DUSP10: variants seen among roughly 807,000 people sequenced by gnomAD.
The protein encoded by DUSP10 is dual specificity protein phosphatase 10.
DUSP10 carries 14 observed loss-of-function variants against 30.8 expected under a neutral mutation model. The ratio of observed to expected loss-of-function variants is 0.46; its 90% CI spans 0.30 to 0.71. DUSP10 has a LOEUF of 0.71. Among genes scored for constraint, DUSP10 ranks in the 30% least tolerant of loss-of-function variants. The pLI, the probability that DUSP10 is intolerant of heterozygous loss-of-function variation, is 0.08. For missense variants in DUSP10, 550 were observed against 619.4 expected (o/e 0.89, Z 1.19); for synonymous variants, 254 against 250.4 (o/e 1.01, Z -0.14).
At chr1:221,729,357 A>G (rs1217294148) in intron 2 of DUSP10, among the ~76,000 whole-genome samples, 1 of 152,208 alleles carries the variant, frequency 6.6e-6, no homozygotes, top group Non-Finnish European at 1.5e-5. Context: ...CATTATAACT[A>G]AGGCACCACA....
At chr1:221,704,279 C>T (rs924890138) in intron 3 of DUSP10, among the ~76,000 whole-genome samples, 1 of 147,748 alleles carries the variant, frequency 6.8e-6, no homozygotes, top group Non-Finnish European at 1.5e-5. Flanking sequence ...AGTTGTTCTT[C>T]GGGCTGAATG....
intron 2 of DUSP10, among the ~76,000 whole-genome samples, chr1:221,720,135 T>C (rs887256206): frequency 4.6e-5 from 7 of 152,210 alleles, no homozygotes; most frequent in African/African-American, 1.4e-4. Flanking sequence ...CTGGTTCCTG[T>C]AGCATAGCTT....
At chr1:221,713,366 A>G (rs1408368549) in intron 2 of DUSP10, among the ~76,000 whole-genome samples, 1 of 152,134 alleles carries the variant, frequency 6.6e-6, no homozygotes, top group East Asian at 1.9e-4. Context: ...AAACCTCATT[A>G]TATTTAGTTC....
intron 2 of DUSP10, among the ~76,000 whole-genome samples, chr1:221,732,846 G>A (rs555717956): frequency 6.6e-6 from 1 of 152,278 alleles, no homozygotes; most frequent in Admixed American, 6.5e-5. Context: ...GGCATCATAG[G>A]TTATAAATCA....
At chr1:221,739,823 G>T (rs1394420393) in intron 1 of DUSP10, 36 bp from the exon 2 acceptor site, 2 of 1,486,304 alleles carry the variant, frequency 1.3e-6, no homozygotes, top group African/African-American at 2.8e-5. Context: ...AAAGAATAAA[G>T]TCACGTGACA....
At chr1:221,723,822 G>A (rs1247918991) in intron 2 of DUSP10, among the ~76,000 whole-genome samples, 1 of 152,172 alleles carries the variant, frequency 6.6e-6, no homozygotes, top group African/African-American at 2.4e-5. Context: ...CTGAGCTTTG[G>A]TGTCCAGAGT....
chr1:221,741,129 C>T (rs1415145459), intron 1 of DUSP10, among the ~76,000 whole-genome samples: 1 of 152,206 alleles, frequency 6.6e-6, no homozygotes, highest in African/African-American at 2.4e-5. Context: ...GGCACGCACC[C>T]ATCACGTCGG....
chr1:221,722,968 G>A (rs541508553), intron 2 of DUSP10, among the ~76,000 whole-genome samples: 18 of 149,608 alleles, frequency 1.2e-4, no homozygotes, highest in Admixed American at 5.1e-4. Flanking sequence ...CCACAAAAGC[G>A]TAATTCCAGA....
At chr1:221,712,194 G>C (rs1416237512) in intron 2 of DUSP10, among the ~76,000 whole-genome samples, 1 of 152,070 alleles carries the variant, frequency 6.6e-6, no homozygotes, top group African/African-American at 2.4e-5. Flanking sequence ...CATTCCTACT[G>C]TAAAATACCC....
intron 2 of DUSP10, among the ~76,000 whole-genome samples, chr1:221,729,606 A>G (rs1358111626): frequency 1.3e-5 from 2 of 152,216 alleles, no homozygotes; most frequent in Non-Finnish European, 2.9e-5. Flanking sequence ...AGACACATAT[A>G]TGACAGCCCA....
At chr1:221,705,447 G>C (rs910201738) in intron 3 of DUSP10, among the ~76,000 whole-genome samples, 1 of 152,182 alleles carries the variant, frequency 6.6e-6, no homozygotes, top group African/African-American at 2.4e-5. Context: ...GGCTATAGAA[G>C]TTGCAGAAAT....
intron 2 of DUSP10, among the ~76,000 whole-genome samples, chr1:221,735,591 T>C (rs11118842): frequency 0.016 from 2,503 of 152,266 alleles, 75 homozygotes; most frequent in African/African-American, 0.057. Flanking sequence ...ATAGGAAAAA[T>C]ATAATTGTTT....
rs1005098413 is a variant in DUSP10, at chr1:221,705,883, C to G, written c.1183+212G>C. On this transcript the variant is annotated intron_variant, in intron 3 of 3. Transcript: ENST00000366899. ...GAACAGATCCCAACAAATTCAATTA[C>G]TGTCCTTTTATATCCATCCTGATGG... is the stretch of plus-strand genomic sequence containing the variant. 2.0e-5 allele frequency among the ~76,000 whole-genome samples: 3 copies of G among 152,332 alleles called. No homozygotes were observed. The South Asian group carries it at 6.2e-4, about 32-fold the overall frequency.
rs115837172 is a variant in DUSP10, at chr1:221,734,405, C to T, written c.811+4529G>A. On this transcript the variant is annotated intron_variant, in intron 2 of 3. Transcript: ENST00000366899. ...TTTAGGCCATAGCAACACACACACT[C>T]TACTATACCTAGCTTGTTATTTGTA... 5.4e-3 allele frequency among the ~76,000 whole-genome samples: 825 copies of T among 152,338 alleles called. 7 individuals carry two copies. Among genetic ancestry groups the T allele is most frequent in the African/African-American group, 0.019 (797 of 41,578 alleles).
chr1:221,730,708 T>C (rs1661564228), intron 2 of DUSP10, among the ~76,000 whole-genome samples: 1 of 152,208 alleles, frequency 6.6e-6, no homozygotes, highest in Non-Finnish European at 1.5e-5. Context: ...GCACAGCTCA[T>C]TTCCTTATCC....
At chr1:221,717,089 C>T (rs553969220) in intron 2 of DUSP10, among the ~76,000 whole-genome samples, 19 of 152,228 alleles carry the variant, frequency 1.2e-4, no homozygotes, top group South Asian at 6.2e-4. Context: ...TAACGGAAGA[C>T]GCTGTCCAGT....
At chr1:221,715,471 C>G (rs750491650) in intron 2 of DUSP10, among the ~76,000 whole-genome samples, 5 of 152,198 alleles carry the variant, frequency 3.3e-5, no homozygotes, top group Non-Finnish European at 7.4e-5. Flanking sequence ...TTCCTACCCC[C>G]TGAAGGGAGG....
chr1:221,741,993 T>G lies in DUSP10; in HGVS notation c.-56A>C, dbSNP rs1387720673. ...GACTTCCACTTACTTCATAAATAAG[T>G]GTATTCCTCCACCATCTGGCGCTCC... On this transcript the variant is annotated 5_prime_UTR_variant, in exon 1 of 4. Coordinates refer to ENST00000366899, the MANE Select transcript of DUSP10 (RefSeq NM_007207.6). The G allele has an allele frequency of 3.3e-5, 5 of 152,308 alleles. No individual in the cohort carries two copies. Among genetic ancestry groups the G allele is most frequent in the Admixed American group, 3.3e-4 (5 of 15,288 alleles). The allele number at this position is 152,308 out of a possible 1,614,324, so 9.4% of individuals were successfully genotyped here. A position where few individuals can be genotyped will look rare whatever the true frequency, so the allele number is the denominator to read the frequency against.
intron 2 of DUSP10, among the ~76,000 whole-genome samples, chr1:221,735,371 G>T (rs1375467695): frequency 6.6e-6 from 1 of 152,194 alleles, no homozygotes; most frequent in Non-Finnish European, 1.5e-5. Flanking sequence ...AGACCTGACT[G>T]CCAGTCAGTC....
Sources: gnomAD v4.1 joint callset for allele counts (sites outside exome capture counted in the v4.1 genomes callset) on GRCh38, gnomAD v4.1.1 for gene constraint, MANE v1.5 for transcripts, NCBI Gene and HGNC (gene_info 2026-07-23, HGNC 2026-07-21) for gene names.